The following PIBF1 variants were observed in gnomAD, a reference collection of about 807,000 sequenced individuals.
PIBF1 encodes the protein progesterone-induced-blocking factor 1.
A neutral mutation model predicts 112.5 loss-of-function variants in PIBF1; 90 were observed. The observed-to-expected ratio is 0.80, with a 90% CI of 0.67 to 0.95. The LOEUF (loss-of-function observed/expected upper bound fraction) is 0.95. PIBF1 is among the 40% of genes least tolerant of loss of function. PIBF1 has a pLI of 0.00. For synonymous variants in PIBF1, 301 were observed against 288.6 expected (o/e 1.04, Z -0.44); for missense variants, 915 against 852.3 (o/e 1.07, Z -0.92).
chr13:72,965,371 C>T lies in PIBF1; in HGVS notation c.1931C>T (p.Thr644Met), dbSNP rs115402574. Reference protein sequence around the residue: ...RQRDSKIDSLTESIAQLEKDV... With the variant: ...RQRDSKIDSLMESIAQLEKDV... ...AGAGATTCTAAGATTGATTCACTGA[C>T]GGAATCTATTGCACAACTTGAGAAA... Residue 644 changes from threonine to methionine, a missense_variant, in exon 15 of 18, where the codon ACG becomes ATG. By Grantham distance (81) the Thr-to-Met change is moderately conservative. Transcript: ENST00000326291. 238 of 1,609,876 alleles carry T rather than the reference C, an allele frequency of 1.5e-4. No homozygotes were observed. The highest frequency in any genetic ancestry group is 1.9e-4 in the Non-Finnish European group (220 of 1,177,424).
chr13:72,940,213 C>A (rs1301401059), intron 14 of PIBF1, among the ~76,000 whole-genome samples: 1 of 151,870 alleles, frequency 6.6e-6, no homozygotes, highest in Non-Finnish European at 1.5e-5. Flanking sequence ...TTTTTTCAGT[C>A]TTTTTTCTGC....
chr13:72,935,191 G>T (rs921292941), intron 14 of PIBF1, among the ~76,000 whole-genome samples: 2 of 152,024 alleles, frequency 1.3e-5, no homozygotes, highest in Non-Finnish European at 2.9e-5. Context: ...TCACTATGTT[G>T]GCCAGGCTGG....
chr13:72,815,727 A>G (rs1044015072), intron 5 of PIBF1, among the ~76,000 whole-genome samples: 7 of 152,146 alleles, frequency 4.6e-5, no homozygotes, highest in African/African-American at 1.4e-4. Context: ...GTGCAGTGGC[A>G]TGATCACACC....
chr13:72,961,049 A>AT (rs199632770), intron 14 of PIBF1, among the ~76,000 whole-genome samples: 16,478 of 137,878 alleles, frequency 0.12, 2,689 homozygotes, highest in African/African-American at 0.38. Context: ...TTTTTTTTTA[A>AT]TTTTTTTTTG....
rs371246349 is a variant in PIBF1, at chr13:72,827,022, A to G, written c.819A>G (p.Ala273=). The stretch of plus-strand genomic sequence containing the variant: ...TTTATTTTAACAGTGAACGTGATGC[A>G]CTTGAACAGGAAGTAATTGAGCTTA... The part of the protein sequence containing the change: ...NYDKVKSERD[A]LEQEVIELRR... The change falls in exon 7 of 18, where the codon GCA becomes GCG. Residue 273 remains alanine, a synonymous_variant. Transcript: ENST00000326291. The G allele has an allele frequency of 4.4e-6, 7 of 1,595,214 alleles. No homozygotes were observed. The highest frequency in any genetic ancestry group is 5.1e-6 in the Non-Finnish European group (6 of 1,168,702).
At chr13:72,917,535 C>T (rs1346838744) in intron 13 of PIBF1, among the ~76,000 whole-genome samples, 1 of 151,612 alleles carries the variant, frequency 6.6e-6, no homozygotes, top group African/African-American at 2.4e-5. Flanking sequence ...CATTCCTTCA[C>T]ATACATGTTA....
intron 10 of PIBF1, among the ~76,000 whole-genome samples, chr13:72,877,387 T>C (rs960564853): frequency 6.6e-6 from 1 of 152,218 alleles, no homozygotes; most frequent in Non-Finnish European, 1.5e-5. Flanking sequence ...TGAGTGATGC[T>C]GGCCTCATAT....
chr13:72,876,207 ACCAGTATTC>A (rs995037316), intron 10 of PIBF1, among the ~76,000 whole-genome samples: 1 of 113,192 alleles, frequency 8.8e-6, no homozygotes. Flanking sequence ...CTATCTTTCC[ACCAGTATTC>A]CCTTTGTCTT....
chr13:72,924,076 T>C (rs1027142678), intron 13 of PIBF1, among the ~76,000 whole-genome samples: 10 of 152,212 alleles, frequency 6.6e-5, no homozygotes, highest in Admixed American at 1.3e-4. Context: ...TTGTCTTGTT[T>C]TGAATTTCAT....
intron 10 of PIBF1, among the ~76,000 whole-genome samples, chr13:72,855,905 C>G (rs2038402665): frequency 6.6e-6 from 1 of 152,054 alleles, no homozygotes; most frequent in Non-Finnish European, 1.5e-5. Context: ...TATGGGCAAA[C>G]TAATAAGGTT....
At chr13:72,973,767 T>TTCATAAATAAGAGAAG in intron 16 of PIBF1, 92 bp downstream of exon 16, 1 of 689,848 alleles carries the variant, frequency 1.4e-6, no homozygotes, top group Non-Finnish European at 2.5e-6. Context: ...GTTGTGCATG[T>TTCATAAATAAGAGAAG]TCATTAATGA....
intron 14 of PIBF1, among the ~76,000 whole-genome samples, chr13:72,947,831 C>G (rs181483813): frequency 2.2e-4 from 34 of 152,236 alleles, no homozygotes; most frequent in Non-Finnish European, 3.2e-4. Context: ...GACTTGGAAC[C>G]AACCCAAATG....
chr13:72,885,671 TATC>T (rs2138522178), intron 10 of PIBF1, among the ~76,000 whole-genome samples: 1 of 152,284 alleles, frequency 6.6e-6, no homozygotes, highest in Admixed American at 6.5e-5. Flanking sequence ...TAGCTCACAT[TATC>T]ATCCAGAACT....
chr13:72,876,517 T>C (rs2039414248), intron 10 of PIBF1, among the ~76,000 whole-genome samples: 1 of 152,186 alleles, frequency 6.6e-6, no homozygotes, highest in East Asian at 1.9e-4. Context: ...TATAAATCAA[T>C]CTTGCAAGAA....
intron 9 of PIBF1, among the ~76,000 whole-genome samples, chr13:72,847,584 G>A (rs769929832): frequency 6.6e-6 from 1 of 152,056 alleles, no homozygotes; most frequent in Non-Finnish European, 1.5e-5. Context: ...CATGAGTTTT[G>A]GAGGACAAAA....
At chr13:72,992,814 A>G (rs2043522567) in intron 16 of PIBF1, among the ~76,000 whole-genome samples, 1 of 152,002 alleles carries the variant, frequency 6.6e-6, no homozygotes, top group African/African-American at 2.4e-5. Context: ...CAGAAAAAAT[A>G]AAAAAGGCCA....
At chr13:72,803,268 GTT>G (rs967494437) in intron 5 of PIBF1, among the ~76,000 whole-genome samples, 7 of 74,836 alleles carry the variant, frequency 9.4e-5, no homozygotes, top group African/African-American at 7.8e-4. Flanking sequence ...TTTGTTTTTT[GTT>G]TTTTTCCTTA....
chr13:72,931,316 ATTGT>A (rs779990414), intron 14 of PIBF1, 49 bp downstream of exon 14: 1 of 1,125,260 alleles, frequency 8.9e-7, no homozygotes, highest in South Asian at 1.3e-5. Context: ...ATTCATTTTA[ATTGT>A]TTGTAACTCT....
intron 13 of PIBF1, among the ~76,000 whole-genome samples, chr13:72,927,964 T>TATATATATATACAC: frequency 1.2e-5 from 1 of 82,154 alleles, no homozygotes; most frequent in South Asian, 3.7e-4. Flanking sequence ...TATATACACA[T>TATATATATATACAC]ATATATATAT....
Sources: gnomAD v4.1 joint callset for allele counts (sites outside exome capture counted in the v4.1 genomes callset) on GRCh38, gnomAD v4.1.1 for gene constraint, MANE v1.5 for transcripts, NCBI Gene and HGNC (gene_info 2026-07-23, HGNC 2026-07-21) for gene names.